Variants in TBC1D8 observed in about 807,000 individuals in gnomAD.
The protein encoded by TBC1D8 is BUB2-like protein 1.
TBC1D8 carries 65 observed loss-of-function variants against 118.8 expected under a neutral mutation model. That is an observed-to-expected ratio of 0.55 (90% confidence interval 0.45 to 0.67). The LOEUF (loss-of-function observed/expected upper bound fraction) is 0.67. Among genes scored for constraint, TBC1D8 ranks in the 30% least tolerant of loss-of-function variants. TBC1D8 has a pLI of 0.00. For missense variants in TBC1D8, 1,376 were observed against 1,471.2 expected (o/e 0.94, Z 1.06); for synonymous variants, 566 against 595.8 (o/e 0.95, Z 0.73).
intron 1 of TBC1D8, among the ~76,000 whole-genome samples, chr2:101,121,559 C>T (rs766434321): frequency 2.6e-5 from 4 of 152,214 alleles, no homozygotes; most frequent in Non-Finnish European, 2.9e-5. Context: ...GTGAAAGGAG[C>T]GAGAGAGCTC....
chr2:101,008,819 A>T (rs1307252335), intron 19 of TBC1D8, among the ~76,000 whole-genome samples: 3 of 152,098 alleles, frequency 2.0e-5, no homozygotes, highest in African/African-American at 7.2e-5. Flanking sequence ...CTTAAAAAAA[A>T]AAAAATGAAA....
intron 1 of TBC1D8, among the ~76,000 whole-genome samples, chr2:101,121,847 C>T (rs1678125489): frequency 6.6e-6 from 1 of 152,110 alleles, no homozygotes; most frequent in African/African-American, 2.4e-5. Flanking sequence ...AGGCGGATCA[C>T]CTGAGGTCAA....
At chr2:101,108,985 C>T (rs925120392) in intron 1 of TBC1D8, among the ~76,000 whole-genome samples, 25 of 152,146 alleles carry the variant, frequency 1.6e-4, no homozygotes, top group African/African-American at 5.6e-4. Flanking sequence ...ACTGTCCTCA[C>T]AATTTTTCTG....
intron 2 of TBC1D8, among the ~76,000 whole-genome samples, chr2:101,079,115 A>G (rs191692883): frequency 4.6e-5 from 7 of 152,224 alleles, no homozygotes; most frequent in South Asian, 2.1e-4. Context: ...CTCATTCCCA[A>G]TGTTATTTTT....
At chr2:101,029,320 C>T (rs1042383857) in intron 12 of TBC1D8, among the ~76,000 whole-genome samples, 171 bp downstream of exon 12, 1 of 150,484 alleles carries the variant, frequency 6.6e-6, no homozygotes, top group African/African-American at 2.4e-5. Context: ...AGCTGGGAGG[C>T]GGAGGTTGTA....
At chr2:101,046,017 T>TAAATC (rs1681682114) in intron 5 of TBC1D8, among the ~76,000 whole-genome samples, 1 of 152,128 alleles carries the variant, frequency 6.6e-6, no homozygotes, top group Non-Finnish European at 1.5e-5. Flanking sequence ...ATTAATTAAC[T>TAAATC]AAATCAAATC....
intron 1 of TBC1D8, among the ~76,000 whole-genome samples, chr2:101,136,131 GCATGAGC>G (rs1215119920): frequency 9.9e-5 from 15 of 152,110 alleles, no homozygotes; most frequent in African/African-American, 3.4e-4. Context: ...TGAGATTACA[GCATGAGC>G]CACTGGCCTG....
intron 1 of TBC1D8, among the ~76,000 whole-genome samples, chr2:101,146,091 T>C (rs1300875670): frequency 6.6e-6 from 1 of 152,174 alleles, no homozygotes; most frequent in Non-Finnish European, 1.5e-5. Context: ...TCATAACCAT[T>C]ATGCATTGCT....
At chr2:101,074,363 A>G (rs1382195064) in intron 2 of TBC1D8, among the ~76,000 whole-genome samples, 7 of 152,240 alleles carry the variant, frequency 4.6e-5, no homozygotes, top group Non-Finnish European at 8.8e-5. Context: ...CACCATTAAC[A>G]GACATAATAA....
chr2:101,062,172 C>T (rs1234901973), intron 2 of TBC1D8, among the ~76,000 whole-genome samples: 2 of 152,234 alleles, frequency 1.3e-5, no homozygotes, highest in African/African-American at 4.8e-5. Context: ...TCGGGTTCCA[C>T]CCAAGCTGAT....
At chr2:101,122,149 A>G (rs1175327709) in intron 1 of TBC1D8, among the ~76,000 whole-genome samples, 1 of 147,956 alleles carries the variant, frequency 6.8e-6, no homozygotes, top group Non-Finnish European at 1.5e-5. Context: ...TCAGCTCACT[A>G]CAACCTCTGC....
chr2:101,145,797 G>A (rs1679295103), intron 1 of TBC1D8, among the ~76,000 whole-genome samples: 1 of 152,090 alleles, frequency 6.6e-6, no homozygotes, highest in Admixed American at 6.5e-5. Context: ...GGAGCCGTGT[G>A]CCCAAATCCT....
At chr2:101,088,504 T>C (rs1425313545) in intron 2 of TBC1D8, among the ~76,000 whole-genome samples, 1 of 152,050 alleles carries the variant, frequency 6.6e-6, no homozygotes, top group African/African-American at 2.4e-5. Context: ...GCCAGGCTGG[T>C]CTTGAACTCC....
In TBC1D8 at chr2:101,010,923, C is replaced by G. The variant is rs1679162843; in HGVS notation, c.3015+6G>C. The G allele has an allele frequency of 1.9e-6, 3 of 1,608,166 alleles. No individual in the cohort carries two copies. The highest frequency in any genetic ancestry group is 2.5e-6 in the Non-Finnish European group (3 of 1,177,638). On this transcript the variant is annotated splice_donor_region_variant and intron_variant, in intron 19 of 19. Coordinates refer to ENST00000409318, the MANE Select transcript of TBC1D8 (RefSeq NM_001330348.2). ...GTTAATTCTCTGCACTGAAGAAAGT[C>G]CATACCTGGCTCATTTTGGGCAATT...
At chr2:101,052,499 C>T (rs1221957405) in intron 4 of TBC1D8, among the ~76,000 whole-genome samples, 3 of 112,588 alleles carry the variant, frequency 2.7e-5, no homozygotes, top group South Asian at 2.7e-4. Flanking sequence ...TTTTTTGAGG[C>T]GGAGTCTTGC....
In TBC1D8 at chr2:101,040,383, T is replaced by C. The variant is rs1681309071; in HGVS notation, c.875A>G (p.Asp292Gly). ...CTCATTCTGTGCTCTGGCTTCCAGG[T>C]CCCTGGGGAAGGACAGGGAGAGAAG... The part of the protein sequence containing the change: ...LQEPSQITKR[D>G]LEARAQNEFF... The change falls in exon 6 of 20, where the codon GAC becomes GGC. Residue 292 changes from aspartate (D) to glycine (G), a missense_variant and splice_region_variant. Coordinates refer to ENST00000409318, the MANE Select transcript of TBC1D8 (RefSeq NM_001330348.2). 6.3e-7 allele frequency: 1 copy of C among 1,592,970 alleles called. No individual in the cohort carries two copies. Among genetic ancestry groups the C allele is most frequent in the East Asian group, 2.3e-5 (1 of 43,992 alleles).
At chr2:101,029,895 G>C in intron 11 of TBC1D8, 119 bp from the exon 12 acceptor site, 3 of 1,074,450 alleles carry the variant, frequency 2.8e-6, no homozygotes, top group Non-Finnish European at 4.0e-6. Context: ...GTCCAGAAAA[G>C]CGTCCATGCT....
chr2:101,078,715 A>C (rs1675014542), intron 2 of TBC1D8, among the ~76,000 whole-genome samples: 1 of 59,926 alleles, frequency 1.7e-5, no homozygotes, highest in Non-Finnish European at 3.7e-5. Context: ...TCTTCATAAC[A>C]AAAAAAAAAA....
chr2:101,148,836 T>C (rs1156303191), intron 1 of TBC1D8, among the ~76,000 whole-genome samples: 1 of 152,138 alleles, frequency 6.6e-6, no homozygotes, highest in Non-Finnish European at 1.5e-5. Flanking sequence ...ATAAACTCAA[T>C]CTAGGTTTTA....
Sources: gnomAD v4.1 joint callset for allele counts (sites outside exome capture counted in the v4.1 genomes callset) on GRCh38, gnomAD v4.1.1 for gene constraint, MANE v1.5 for transcripts, NCBI Gene and HGNC (gene_info 2026-07-23, HGNC 2026-07-21) for gene names.